The following SLC35F1 variants were observed in gnomAD, a reference collection of about 807,000 sequenced individuals.
SLC35F1 encodes the protein chromosome 6 open reading frame 169.
In SLC35F1, 14 loss-of-function variants were observed where a neutral mutation model predicts 48.7. The observed-to-expected ratio is 0.29, with a 90% CI of 0.19 to 0.45. The LOEUF is 0.45. Ranked by LOEUF, SLC35F1 falls within the 20% of genes least tolerant of loss-of-function variation. The pLI, the probability that SLC35F1 is intolerant of heterozygous loss-of-function variation, is 1.00. For missense variants in SLC35F1, 404 were observed against 500.0 expected (o/e 0.81, Z 1.83); for synonymous variants, 190 against 202.2 (o/e 0.94, Z 0.51).
chr6:118,309,505 C>G (rs938380432), intron 7 of SLC35F1, among the ~76,000 whole-genome samples: 3 of 152,156 alleles, frequency 2.0e-5, no homozygotes, highest in Non-Finnish European at 4.4e-5. Flanking sequence ...TTGTGCCTCT[C>G]TAGGGATCAC....
intron 1 of SLC35F1, among the ~76,000 whole-genome samples, chr6:118,127,932 A>G (rs1268521012): frequency 2.0e-5 from 3 of 152,234 alleles, no homozygotes; most frequent in Admixed American, 6.5e-5. Flanking sequence ...GCTAATATCC[A>G]GAATCTACAA....
chr6:118,301,786 G>A lies in SLC35F1; in HGVS notation c.1003-12242G>A, dbSNP rs545766969. 2.2e-4 allele frequency among the ~76,000 whole-genome samples: 34 copies of A among 152,220 alleles called. No homozygotes were observed. The South Asian group carries it at 5.4e-3, about 24-fold the overall frequency. ...CCATCACAACTACACAACTGCCGTGGACATGGCTGAGTTCCAATAAAACTT... is the reference window on the plus strand; with the variant it reads ...CCATCACAACTACACAACTGCCGTGAACATGGCTGAGTTCCAATAAAACTT... On this transcript the variant is annotated intron_variant, in intron 7 of 7. Transcript: ENST00000360388.
chr6:118,005,377 T>C (rs2114871533), intron 1 of SLC35F1, among the ~76,000 whole-genome samples: 1 of 152,306 alleles, frequency 6.6e-6, no homozygotes, highest in African/African-American at 2.4e-5. Flanking sequence ...GTTCTCCCAG[T>C]CATGTAGACT....
At chr6:118,140,132 G>A (rs1007503161) in intron 1 of SLC35F1, among the ~76,000 whole-genome samples, 1 of 152,152 alleles carries the variant, frequency 6.6e-6, no homozygotes, top group African/African-American at 2.4e-5. Flanking sequence ...AAACATTATA[G>A]CAGCCTTTAC....
chr6:118,075,035 T>C (rs185749712), intron 1 of SLC35F1, among the ~76,000 whole-genome samples: 1 of 152,342 alleles, frequency 6.6e-6, no homozygotes, highest in Non-Finnish European at 1.5e-5. Flanking sequence ...CAATGCCTTT[T>C]TTATGCATCC....
At chr6:118,262,087 C>G (rs1413511138) in intron 3 of SLC35F1, among the ~76,000 whole-genome samples, 3 of 152,164 alleles carry the variant, frequency 2.0e-5, no homozygotes, top group Admixed American at 6.5e-5. Flanking sequence ...CTCACAGACA[C>G]TCAGAAAATG....
chr6:118,181,831 A>G (rs1774582120), intron 2 of SLC35F1, among the ~76,000 whole-genome samples: 1 of 152,152 alleles, frequency 6.6e-6, no homozygotes, highest in African/African-American at 2.4e-5. Context: ...AATGTTACTT[A>G]GTGATAAGAC....
At chr6:118,050,247 G>C (rs1317111366) in intron 1 of SLC35F1, among the ~76,000 whole-genome samples, 4 of 151,980 alleles carry the variant, frequency 2.6e-5, no homozygotes, top group Non-Finnish European at 4.4e-5. Flanking sequence ...GATAGCATTA[G>C]GAGATATACC....
At chr6:118,005,110 G>A (rs1014376941) in intron 1 of SLC35F1, among the ~76,000 whole-genome samples, 14 of 152,158 alleles carry the variant, frequency 9.2e-5, no homozygotes, top group Non-Finnish European at 5.9e-5. Flanking sequence ...AAGACAATGT[G>A]ATGTATAGCT....
intron 4 of SLC35F1, among the ~76,000 whole-genome samples, chr6:118,270,985 A>G (rs1017297022): frequency 6.6e-6 from 1 of 152,218 alleles, no homozygotes; most frequent in Non-Finnish European, 1.5e-5. Context: ...CATTTATTGC[A>G]TCTTTTAGTT....
chr6:118,104,088 T>TCTTCCCTCCCCTTCCCTTCC (rs1773296211), intron 1 of SLC35F1, among the ~76,000 whole-genome samples: 2 of 150,080 alleles, frequency 1.3e-5, no homozygotes, highest in South Asian at 4.4e-4. Context: ...TTCCTTCATT[T>TCTTCCCTCCCCTTCCCTTCC]CTTCCCTCCC....
At chr6:118,109,419 C>T (rs1051746050) in intron 1 of SLC35F1, among the ~76,000 whole-genome samples, 1 of 152,156 alleles carries the variant, frequency 6.6e-6, no homozygotes, top group Non-Finnish European at 1.5e-5. Context: ...TATTCTTTCC[C>T]ATGCTGGAGA....
chr6:117,970,998 A>G (rs1010003055), intron 1 of SLC35F1, among the ~76,000 whole-genome samples: 4 of 152,202 alleles, frequency 2.6e-5, no homozygotes, highest in East Asian at 1.9e-4. Context: ...CTCCCAAAGT[A>G]TTAACTTATT....
At chr6:118,154,759 T>G (rs1222625307) in intron 2 of SLC35F1, 139 bp downstream of exon 2, 1 of 748,476 alleles carries the variant, frequency 1.3e-6, no homozygotes, top group African/African-American at 1.8e-5. Flanking sequence ...TATTTTGCAG[T>G]AATACAGTAA....
chr6:118,239,709 A>G (rs1274217852), intron 3 of SLC35F1, among the ~76,000 whole-genome samples: 2 of 152,222 alleles, frequency 1.3e-5, no homozygotes, highest in East Asian at 3.9e-4. Context: ...TAGCCATTTG[A>G]CACCCTATTT....
At chr6:117,956,522 C>T (rs1240516789) in intron 1 of SLC35F1, among the ~76,000 whole-genome samples, 1 of 152,202 alleles carries the variant, frequency 6.6e-6, no homozygotes, top group Non-Finnish European at 1.5e-5. Flanking sequence ...AACGCGGGGA[C>T]AGTGCCTGGA....
chr6:118,141,846 G>A (rs1245161984), intron 1 of SLC35F1, among the ~76,000 whole-genome samples: 2 of 152,136 alleles, frequency 1.3e-5, no homozygotes, highest in Non-Finnish European at 2.9e-5. Flanking sequence ...ACCAGTCCTC[G>A]TTTCACTGGA....
chr6:117,920,147 C>T lies in SLC35F1; in HGVS notation c.173+12248C>T, dbSNP rs1775878639. On this transcript the variant is annotated intron_variant, in intron 1 of 7. Transcript: ENST00000360388. Reference sequence around the variant, plus strand: ...CCTGCTGCAGGCCGGGGAAACACTGCGCTCTTAGAGAGGGGCCCTGTCCTC... The same window carrying T: ...CCTGCTGCAGGCCGGGGAAACACTGTGCTCTTAGAGAGGGGCCCTGTCCTC... Among the ~76,000 whole-genome samples the T allele has an allele frequency of 2.6e-5, 4 of 152,324 alleles. No homozygotes were observed. In the South Asian group the frequency reaches 8.3e-4, roughly 32 times the overall value.
At chr6:117,970,325 C>G (rs1776622666) in intron 1 of SLC35F1, among the ~76,000 whole-genome samples, 1 of 152,204 alleles carries the variant, frequency 6.6e-6, no homozygotes, top group Non-Finnish European at 1.5e-5. Context: ...ATGCAGCTAC[C>G]AGGTATAGCC....
Sources: allele counts gnomAD v4.1 joint callset (sites outside exome capture counted in the v4.1 genomes callset), GRCh38; gene constraint gnomAD v4.1.1; transcripts MANE v1.5; gene names NCBI Gene and HGNC (gene_info 2026-07-23, HGNC 2026-07-21).